ZNF385D: variants seen among roughly 807,000 people sequenced by gnomAD.
The protein encoded by ZNF385D is zinc finger protein 659.
A neutral mutation model predicts 35.8 loss-of-function variants in ZNF385D; 15 were observed. The ratio of observed to expected loss-of-function variants is 0.42; its 90% confidence interval spans 0.28 to 0.64. The LOEUF is 0.64. Ranked by LOEUF, ZNF385D falls within the 30% of genes least tolerant of loss-of-function variation. The pLI, the probability that ZNF385D is intolerant of heterozygous loss-of-function variation, is 0.23. For missense variants in ZNF385D, 474 were observed against 494.6 expected (o/e 0.96, Z 0.39); for synonymous variants, 212 against 186.8 (o/e 1.13, Z -1.10).
At chr3:21,577,349 T>G (rs899039425) in intron 2 of ZNF385D, among the ~76,000 whole-genome samples, 1 of 152,238 alleles carries the variant, frequency 6.6e-6, no homozygotes, top group Non-Finnish European at 1.5e-5. Flanking sequence ...TCATTCTTCT[T>G]TATGGCTGAA....
chr3:21,693,939 C>A (rs1314793650), intron 1 of ZNF385D, among the ~76,000 whole-genome samples: 1 of 141,428 alleles, frequency 7.1e-6, no homozygotes, highest in African/African-American at 2.6e-5. Context: ...AGTGCAGTTG[C>A]GCGACCTCGG....
chr3:21,866,499 G>A (rs1697373420), intron 3 of ZNF385D, among the ~76,000 whole-genome samples: 1 of 152,098 alleles, frequency 6.6e-6, no homozygotes, highest in Admixed American at 6.5e-5. Flanking sequence ...CACCGCTATT[G>A]ATCTACGGAT....
intron 1 of ZNF385D, among the ~76,000 whole-genome samples, chr3:21,743,278 T>G (rs1431422715): frequency 1.3e-5 from 2 of 152,196 alleles, no homozygotes; most frequent in African/African-American, 2.4e-5. Context: ...ACTTTTTTTA[T>G]AAGCATTGAG....
chr3:21,994,401 T>C (rs890948638), intron 3 of ZNF385D, among the ~76,000 whole-genome samples: 1 of 152,190 alleles, frequency 6.6e-6, no homozygotes, highest in African/African-American at 2.4e-5. Context: ...AAAAATCATA[T>C]CTATCTTTGT....
intron 3 of ZNF385D, among the ~76,000 whole-genome samples, chr3:22,000,591 ACTT>A (rs1349440619): frequency 6.7e-6 from 1 of 149,904 alleles, no homozygotes; most frequent in Admixed American, 6.6e-5. Flanking sequence ...TTCTTAATAA[ACTT>A]CCTTTCACTT....
intron 2 of ZNF385D, among the ~76,000 whole-genome samples, chr3:21,581,061 T>C (rs770411086): frequency 3.9e-5 from 6 of 152,152 alleles, no homozygotes; most frequent in Non-Finnish European, 5.9e-5. Context: ...TAGCCAGTGA[T>C]GTGGAATTCA....
chr3:22,280,620 G>C (rs563768979), intron 2 of ZNF385D, among the ~76,000 whole-genome samples: 1 of 152,022 alleles, frequency 6.6e-6, no homozygotes, highest in South Asian at 2.1e-4. Flanking sequence ...TCGTCCCATT[G>C]GTCTATGTGC....
In ZNF385D at chr3:21,761,921, C is replaced by A. The variant is rs369552514; in HGVS notation, c.326-96893G>T. Among the ~76,000 whole-genome samples, 18 of 117,924 alleles carry A rather than the reference C, an allele frequency of 1.5e-4. 1 individual carries two copies. Among genetic ancestry groups the A allele is most frequent in the Admixed American group, 1.3e-3 (11 of 8,424 alleles). The allele number at this position is 117,924 out of a possible 152,430, so 77.4% of individuals were successfully genotyped here. On this transcript the variant is annotated intron_variant, in intron 3 of 5. Transcript: ENST00000494108. Reference sequence around the variant, plus strand: ...TTGAGACGGAGTCTCGCTCTGTCACCAGGTTGGAGTGCAGTGGCGCGATCT... The same window carrying A: ...TTGAGACGGAGTCTCGCTCTGTCACAAGGTTGGAGTGCAGTGGCGCGATCT...
intron 1 of ZNF385D, among the ~76,000 whole-genome samples, chr3:21,686,491 G>T (rs1021564950): frequency 2.0e-5 from 3 of 152,050 alleles, no homozygotes; most frequent in Admixed American, 6.6e-5. Flanking sequence ...ATGCATTTTT[G>T]AATTTCCTAG....
At chr3:21,768,444 A>G (rs1232085435) in intron 3 of ZNF385D, among the ~76,000 whole-genome samples, 1 of 151,998 alleles carries the variant, frequency 6.6e-6, no homozygotes, top group Non-Finnish European at 1.5e-5. Context: ...TCTGTTTGAT[A>G]TAACTCTTTT....
intron 1 of ZNF385D, among the ~76,000 whole-genome samples, chr3:21,684,193 T>C (rs999312042): frequency 6.7e-6 from 1 of 149,286 alleles, no homozygotes; most frequent in African/African-American, 2.5e-5. Context: ...TTTTTACTCC[T>C]GGCCCCTTTA....
intron 3 of ZNF385D, among the ~76,000 whole-genome samples, chr3:21,795,512 T>TA (rs1158487626): frequency 6.6e-6 from 1 of 152,246 alleles, no homozygotes; most frequent in Middle Eastern, 3.2e-3. Flanking sequence ...ATGTACTTTT[T>TA]ATGTCACCCG....
rs1050026381 is a variant in ZNF385D at position 21,746,947 on chromosome 3, G to A, written c.22+3948C>T. On this transcript the variant is annotated intron_variant, in intron 1 of 7. Coordinates refer to ENST00000281523, the MANE Select transcript of ZNF385D (RefSeq NM_024697.3). ...ACATGAGAATGTTCTAAACATCCCAGGGGAAAAAAGTCCTTCCTAAGACAA... is the reference window on the plus strand; with the variant it reads ...ACATGAGAATGTTCTAAACATCCCAAGGGAAAAAAGTCCTTCCTAAGACAA... 2.6e-5 allele frequency among the ~76,000 whole-genome samples: 4 copies of A among 151,880 alleles called. 1 individual carries two copies. Among genetic ancestry groups the A allele is most frequent in the South Asian group, 4.2e-4 (2 of 4,818 alleles).
chr3:22,320,062 T>C (rs1255632390), intron 2 of ZNF385D, among the ~76,000 whole-genome samples: 3 of 152,018 alleles, frequency 2.0e-5, no homozygotes, highest in Admixed American at 6.6e-5. Flanking sequence ...TACAAACTTT[T>C]TTTTTTTTTT....
At chr3:21,890,573 C>T (rs756072291) in intron 3 of ZNF385D, among the ~76,000 whole-genome samples, 1 of 152,018 alleles carries the variant, frequency 6.6e-6, no homozygotes, top group Admixed American at 6.6e-5. Context: ...GAGCCAAGAT[C>T]GCGCCACTGC....
intron 3 of ZNF385D, among the ~76,000 whole-genome samples, chr3:22,046,806 T>A (rs193151477): frequency 6.3e-4 from 96 of 152,270 alleles, no homozygotes; most frequent in African/African-American, 2.2e-3. Context: ...CTAAGTCGAA[T>A]TGTATTTGGA....
intron 2 of ZNF385D, among the ~76,000 whole-genome samples, chr3:22,356,922 A>G (rs1165524391): frequency 1.3e-5 from 2 of 151,982 alleles, no homozygotes; most frequent in African/African-American, 4.8e-5. Context: ...GTCTACTATT[A>G]AGTGAGTAAA....
chr3:21,596,491 A>C (rs1316916999), intron 2 of ZNF385D, among the ~76,000 whole-genome samples: 4 of 152,056 alleles, frequency 2.6e-5, no homozygotes, highest in Admixed American at 1.3e-4. Flanking sequence ...TTATGAGGAA[A>C]TGAAAGCCAA....
intron 3 of ZNF385D, among the ~76,000 whole-genome samples, chr3:21,562,939 A>G (rs1243801641): frequency 1.3e-5 from 2 of 152,216 alleles, no homozygotes; most frequent in East Asian, 3.8e-4. Flanking sequence ...AGTGCGCAGC[A>G]TTAAAAAACA....
Sources: allele counts gnomAD v4.1 joint callset (sites outside exome capture counted in the v4.1 genomes callset), GRCh38; gene constraint gnomAD v4.1.1; transcripts MANE v1.5; gene names NCBI Gene and HGNC (gene_info 2026-07-23, HGNC 2026-07-21).